SYNPR: variants seen among roughly 807,000 people sequenced by gnomAD.
The protein encoded by SYNPR is synaptoporin.
SYNPR carries 23 observed loss-of-function variants against 32.9 expected under a neutral mutation model. The observed-to-expected ratio is 0.70, with a 90% CI of 0.50 to 0.99. The LOEUF is 0.99. Among genes scored for constraint, SYNPR ranks in the 50% least tolerant of loss-of-function variants. SYNPR has a pLI of 0.00. For synonymous variants in SYNPR, 146 were observed against 135.9 expected (o/e 1.07, Z -0.52); for missense variants, 318 against 349.3 (o/e 0.91, Z 0.71).
chr3:63,240,081 T>C (rs1234271431), intron 1 of SYNPR, among the ~76,000 whole-genome samples: 1 of 152,158 alleles, frequency 6.6e-6, no homozygotes, highest in African/African-American at 2.4e-5. Context: ...ACTGCATCCC[T>C]TTCTTCCCTT....
At chr3:63,600,466 T>C (rs1227276340) in intron 4 of SYNPR, among the ~76,000 whole-genome samples, 1 of 152,160 alleles carries the variant, frequency 6.6e-6, no homozygotes, top group African/African-American at 2.4e-5. Flanking sequence ...CACATCTCAC[T>C]TTCTGCAAGG....
chr3:63,549,958 C>A (rs888066279), intron 3 of SYNPR: 1 of 152,110 alleles, frequency 6.6e-6, no homozygotes, highest in Admixed American at 6.5e-5. Flanking sequence ...CATTTGAAAT[C>A]AACAAATTGA....
At chr3:63,470,583 T>C (rs1700777087) in intron 2 of SYNPR, among the ~76,000 whole-genome samples, 1 of 152,212 alleles carries the variant, frequency 6.6e-6, no homozygotes, top group African/African-American at 2.4e-5. Context: ...GGCTTGACAA[T>C]GCTGTGTTTC....
intron 4 of SYNPR, 54 bp from the exon 5 acceptor site, chr3:63,609,071 T>C (rs1228919516): frequency 1.2e-5 from 18 of 1,529,754 alleles, no homozygotes; most frequent in Non-Finnish European, 1.6e-5. Flanking sequence ...AATCAACTTG[T>C]TTCTAGAACT....
chr3:63,353,469 T>G (rs1248500943), intron 2 of SYNPR, among the ~76,000 whole-genome samples: 3 of 152,214 alleles, frequency 2.0e-5, no homozygotes, highest in Non-Finnish European at 4.4e-5. Context: ...AAGCATCACA[T>G]TCTGGGCTTT....
intron 2 of SYNPR, among the ~76,000 whole-genome samples, chr3:63,294,386 T>C (rs530500803): frequency 1.4e-4 from 22 of 152,372 alleles, no homozygotes; most frequent in Admixed American, 9.1e-4. Flanking sequence ...TGATTGACTT[T>C]GTACTCTAAT....
intron 2 of SYNPR, among the ~76,000 whole-genome samples, chr3:63,412,718 G>A (rs6780620): frequency 0.011 from 1,601 of 152,230 alleles, 26 homozygotes; most frequent in East Asian, 0.064. Flanking sequence ...TTGGATGAAG[G>A]AAGAGAGTTG....
intron 2 of SYNPR, among the ~76,000 whole-genome samples, chr3:63,429,823 T>C (rs1699960269): frequency 6.6e-6 from 1 of 152,230 alleles, no homozygotes; most frequent in Non-Finnish European, 1.5e-5. Flanking sequence ...GTTTTTGTGC[T>C]CTCTCTTGTT....
intron 2 of SYNPR, among the ~76,000 whole-genome samples, chr3:63,258,625 A>T (rs1288913555): frequency 1.3e-5 from 2 of 152,188 alleles, no homozygotes; most frequent in Non-Finnish European, 2.9e-5. Flanking sequence ...AGCAGGAAAG[A>T]TCTAAAATTG....
intron 3 of SYNPR, among the ~76,000 whole-genome samples, chr3:63,487,529 T>C (rs1701179305): frequency 2.0e-5 from 3 of 152,160 alleles, no homozygotes; most frequent in Admixed American, 2.0e-4. Context: ...TCTGGTTAAT[T>C]AGCAAAATTA....
chr3:63,613,610 C>CAAAAAAAAAAAAAAAA (rs10566584), intron 5 of SYNPR, among the ~76,000 whole-genome samples: 8 of 46,050 alleles, frequency 1.7e-4, no homozygotes, highest in African/African-American at 6.6e-4. Context: ...TATGCTGCAG[C>CAAAAAAAAAAAAAAAA]AAAAAAAAAA....
chr3:63,388,456 C>T (rs1303421538), intron 2 of SYNPR, among the ~76,000 whole-genome samples: 2 of 139,356 alleles, frequency 1.4e-5, no homozygotes, highest in Non-Finnish European at 1.5e-5. Context: ...GGTGCAATCT[C>T]GGCTCACTGC....
At chr3:63,485,120 T>A (rs532141188) in intron 3 of SYNPR, among the ~76,000 whole-genome samples, 2 of 151,938 alleles carry the variant, frequency 1.3e-5, no homozygotes, top group African/African-American at 4.8e-5. Flanking sequence ...AGACTGAAAA[T>A]GAAGCTTTAA....
At chr3:63,538,422 C>T (rs12054371) in intron 3 of SYNPR, among the ~76,000 whole-genome samples, 31,251 of 151,794 alleles carry the variant, frequency 0.21, 3,309 homozygotes, top group East Asian at 0.32. Context: ...ATATTATTCT[C>T]GGTGGAGTCA....
chr3:63,251,811 C>A (rs1027971169), intron 1 of SYNPR, among the ~76,000 whole-genome samples: 2 of 151,938 alleles, frequency 1.3e-5, no homozygotes, highest in African/African-American at 4.8e-5. Context: ...ATGCCCTATA[C>A]CCTCTGTTCT....
chr3:63,323,353 G>A (rs1575598144), intron 2 of SYNPR, among the ~76,000 whole-genome samples: 5 of 151,846 alleles, frequency 3.3e-5, no homozygotes, highest in Admixed American at 3.3e-4. Context: ...TAAATTTCTG[G>A]GCCTTATGGC....
chr3:63,571,451 C>T (rs1355325283), intron 4 of SYNPR, among the ~76,000 whole-genome samples: 3 of 152,004 alleles, frequency 2.0e-5, no homozygotes, highest in Non-Finnish European at 4.4e-5. Context: ...TGGTTACTAA[C>T]GCTTATCTGT....
intron 2 of SYNPR, among the ~76,000 whole-genome samples, chr3:63,477,394 A>G (rs1364163769): frequency 6.6e-6 from 1 of 152,222 alleles, no homozygotes; most frequent in Non-Finnish European, 1.5e-5. Flanking sequence ...TGAATTTAAT[A>G]TCAATCATAT....
chr3:63,268,471 G>A (rs1034518751), intron 3 of SYNPR, among the ~76,000 whole-genome samples: 8 of 152,030 alleles, frequency 5.3e-5, no homozygotes, highest in Admixed American at 2.6e-4. Context: ...AAGCCTTACC[G>A]GCAGCATAAA....
Sources: allele counts gnomAD v4.1 joint callset (sites outside exome capture counted in the v4.1 genomes callset), GRCh38; gene constraint gnomAD v4.1.1; transcripts MANE v1.5; gene names NCBI Gene and HGNC (gene_info 2026-07-23, HGNC 2026-07-21).